Variants in MIA2 observed in about 807,000 individuals in gnomAD.
MIA2 encodes MIA SH3 domain ER export factor 2.
Under a neutral mutation model 167.8 loss-of-function variants are expected in MIA2, and 127 were observed. That is an observed-to-expected ratio of 0.76 (90% confidence interval 0.66 to 0.88). The LOEUF (loss-of-function observed/expected upper bound fraction) is 0.88. MIA2 is among the 40% of genes least tolerant of loss of function. MIA2 has a pLI of 0.00. For missense variants in MIA2, 1,690 were observed against 1,624.7 expected (o/e 1.04, Z -0.69); for synonymous variants, 552 against 541.9 (o/e 1.02, Z -0.26).
chr14:39,275,527 G>T (rs986147535), intron 6 of MIA2, among the ~76,000 whole-genome samples: 4 of 152,296 alleles, frequency 2.6e-5, no homozygotes, highest in Admixed American at 1.3e-4. Context: ...TTGTACTAAA[G>T]GTAATTACGT....
At chr14:39,349,008 T>A in intron 28 of MIA2, 31 bp downstream of exon 28, 1 of 1,586,178 alleles carries the variant, frequency 6.3e-7, no homozygotes, top group Middle Eastern at 1.7e-4. Flanking sequence ...TTTTTAAAGC[T>A]CAATATGTGG....
chr14:39,259,025 G>A (rs1594721396), intron 6 of MIA2, among the ~76,000 whole-genome samples: 1 of 152,322 alleles, frequency 6.6e-6, no homozygotes, highest in East Asian at 1.9e-4. Context: ...GACCCCTGTT[G>A]GGAGGTCTCT....
intron 6 of MIA2, chr14:39,265,315 G>A (rs2055419933): frequency 9.9e-6 from 11 of 1,114,706 alleles, no homozygotes; most frequent in Non-Finnish European, 1.5e-5. Flanking sequence ...ATTAGAATCT[G>A]AAATCTTTCT....
intron 23 of MIA2, chr14:39,386,246 G>T: frequency 7.0e-7 from 1 of 1,428,066 alleles, no homozygotes; most frequent in Non-Finnish European, 9.9e-7. Context: ...TTTGGTAGAG[G>T]GTCCTTCCTT....
At chr14:39,288,457 A>ATTTTTTTTTTTTT (rs1566747630) in intron 9 of MIA2, among the ~76,000 whole-genome samples, 1 of 16,580 alleles carries the variant, frequency 6.0e-5, no homozygotes, top group Non-Finnish European at 1.5e-4. Context: ...ATATATATAT[A>ATTTTTTTTTTTTT]TATATATATA....
chr14:39,346,159 C>G lies in MIA2; in HGVS notation c.3778+133C>G, dbSNP rs748717618. Reference sequence around the variant, plus strand: ...GCCAAAATCTCTTTCCTGAAAATGTCCTGGTTTTATGTTTCTTGTTATATT... The same window carrying G: ...GCCAAAATCTCTTTCCTGAAAATGTGCTGGTTTTATGTTTCTTGTTATATT... On this transcript the variant is annotated intron_variant, in intron 26 of 28. Transcript: ENST00000640607. The G allele has an allele frequency of 5.4e-6, 4 of 735,140 alleles. No individual in the cohort carries two copies. In the East Asian group the frequency reaches 1.0e-4, roughly 19 times the overall value. 45.5% of individuals were successfully genotyped at this position (735,140 alleles called of 1,614,324 possible).
chr14:39,279,538 G>A lies in MIA2; in HGVS notation c.2130+1G>A, dbSNP rs1366462427. 1.3e-6 allele frequency: 2 copies of A among 1,574,794 alleles called. No individual in the cohort carries two copies. The highest frequency in any genetic ancestry group is 1.7e-6 in the Non-Finnish European group (2 of 1,152,558). ...AAAATTTAGCCTTGTTCAAAAAGAGGTAAGATATTTTTGAAAATAATATTC... is the reference window on the plus strand; with the variant it reads ...AAAATTTAGCCTTGTTCAAAAAGAGATAAGATATTTTTGAAAATAATATTC... On this transcript the variant is annotated splice_donor_variant, in intron 9 of 28. Coordinates refer to ENST00000640607, the MANE Select transcript of MIA2 (RefSeq NM_001329214.4). LOFTEE classifies it high-confidence loss of function.
intron 6 of MIA2, among the ~76,000 whole-genome samples, chr14:39,269,528 T>TG (rs530622174): frequency 1.8e-3 from 281 of 152,074 alleles, no homozygotes; most frequent in South Asian, 2.9e-3. Flanking sequence ...TCTTTCTTTT[T>TG]TTTTTTTTGA....
chr14:39,329,875 A>G (rs571565142), intron 25 of MIA2, among the ~76,000 whole-genome samples: 3 of 152,268 alleles, frequency 2.0e-5, no homozygotes, highest in Non-Finnish European at 4.4e-5. Flanking sequence ...GTTTGCCAGT[A>G]TTTTATTGAG....
At chr14:39,317,823 A>G in intron 21 of MIA2, 121 bp from the exon 22 acceptor site, 1 of 571,432 alleles carries the variant, frequency 1.7e-6, no homozygotes, top group Non-Finnish European at 2.8e-6. Context: ...TATGATTTGT[A>G]TACCATTGTT....
intron 19 of MIA2, among the ~76,000 whole-genome samples, chr14:39,313,990 G>A (rs2064855091): frequency 6.6e-6 from 1 of 152,118 alleles, no homozygotes; most frequent in African/African-American, 2.4e-5. Context: ...GAAAGAGCAA[G>A]CTTGCTTTTT....
Position 39,247,680 on chromosome 14 carries a change from A to T in MIA2, c.1106A>T (p.Asp369Val). 1 of 1,611,936 alleles carries T rather than the reference A, an allele frequency of 6.2e-7. No homozygotes were observed. ...LTEKKDTITN[D>V]SLSLKPSWFD... The stretch of plus-strand genomic sequence containing the variant: ...GAAAAAAAAGACACAATCACTAATG[A>T]TAGCTTGAGTCTCAAGCCAAGTTGG... Residue 369 changes from aspartate (D) to valine (V), a missense_variant, in exon 4 of 29, where the codon GAT becomes GTT. By Grantham distance (152) the Asp-to-Val change is radical. Transcript: ENST00000640607.
At chr14:39,304,237 AT>A in intron 16 of MIA2, 53 bp from the exon 17 acceptor site, 1 of 696,748 alleles carries the variant, frequency 1.4e-6, no homozygotes, top group South Asian at 2.2e-5. Flanking sequence ...TTTTATTTTT[AT>A]TTTTTTGTAT....
intron 10 of MIA2, 152 bp downstream of exon 10, chr14:39,291,248 A>C: frequency 3.5e-6 from 2 of 572,590 alleles, no homozygotes; most frequent in Non-Finnish European, 2.8e-6. Flanking sequence ...AATATAGGAA[A>C]TGGGACAATA....
downstream of MIA2, among the ~76,000 whole-genome samples, chr14:39,355,122 C>T (rs1332390256): frequency 6.6e-6 from 1 of 150,982 alleles, no homozygotes; most frequent in Non-Finnish European, 1.5e-5. Context: ...ATGGGGATGG[C>T]ATTGAATCTA....
chr14:39,327,000 T>C lies in MIA2; in HGVS notation c.3633T>C (p.Arg1211=), dbSNP rs2067698669. ...TGTCACCTCCATGGGACCAGGACCG[T>C]AGGATGATGTTTCCTCCGCCAGGTA... ...GSLSPPWDQD[R]RMMFPPPGQS... is the part of the protein sequence containing the mutation. The change falls in exon 25 of 29, where the codon CGT becomes CGC. Residue 1211 remains arginine, a synonymous_variant. Transcript: ENST00000640607. The C allele has an allele frequency of 1.3e-6, 2 of 1,534,038 alleles. No homozygotes were observed. Among genetic ancestry groups the C allele is most frequent in the Admixed American group, 2.3e-5 (1 of 44,270 alleles).
chr14:39,267,971 T>G (rs1394763236), intron 6 of MIA2, among the ~76,000 whole-genome samples: 1 of 131,828 alleles, frequency 7.6e-6, no homozygotes, highest in Non-Finnish European at 1.6e-5. Flanking sequence ...GTTGAAATTT[T>G]GATTCTGCAT....
chr14:39,322,795 T>C (rs1263097394), intron 24 of MIA2, among the ~76,000 whole-genome samples: 1 of 152,302 alleles, frequency 6.6e-6, no homozygotes, highest in East Asian at 1.9e-4. Context: ...TTCAAAGATA[T>C]AGGGCCTTAT....
rs543373795 is a variant in MIA2 at position 39,291,178 on chromosome 14, A to G, written c.2208+82A>G. 8.9e-6 allele frequency: 11 copies of G among 1,234,944 alleles called. No individual in the cohort carries two copies. In the South Asian group the frequency reaches 1.4e-4, roughly 16 times the overall value. The allele number at this position is 1,234,944 out of a possible 1,614,324, so 76.5% of individuals were successfully genotyped here. On this transcript the variant is annotated intron_variant, in intron 10 of 28. Coordinates refer to ENST00000640607, the MANE Select transcript of MIA2 (RefSeq NM_001329214.4). ...AAACTTTAAAAATGTATCTTCTGAA[A>G]ACTATTTGAAAAAAATGTGAAAGAG... is the stretch of plus-strand genomic sequence containing the variant.
Sources: gnomAD v4.1 joint callset for allele counts (sites outside exome capture counted in the v4.1 genomes callset) on GRCh38, gnomAD v4.1.1 for gene constraint, MANE v1.5 for transcripts, NCBI Gene and HGNC (gene_info 2026-07-23, HGNC 2026-07-21) for gene names.